The following PHF24 variants were observed in gnomAD, a reference collection of about 807,000 sequenced individuals.
The protein encoded by PHF24 is Galpha inhibitory interacting protein.
Under a neutral mutation model 42.6 loss-of-function variants are expected in PHF24, and 25 were observed. That is an observed-to-expected ratio of 0.59 (90% CI 0.43 to 0.82). PHF24 has a LOEUF of 0.82. PHF24 is among the 40% of genes least tolerant of loss of function. The probability of loss-of-function intolerance (pLI) is 0.00; values close to 1 mark genes in which losing one functional copy is unlikely to be tolerated. For synonymous variants in PHF24, 185 were observed against 204.8 expected (o/e 0.90, Z 0.83); for missense variants, 470 against 538.1 (o/e 0.87, Z 1.25).
At chr9:34,808,217 T>C in the PHF24 span, among the ~76,000 whole-genome samples, 2 of 152,172 alleles carry the variant, frequency 1.3e-5, no homozygotes, top group Non-Finnish European at 2.9e-5. Context: ...ATAATGAAAA[T>C]AATAAAAGTA....
At chr9:34,976,627 G>A in exon 5 of PHF24, 1 of 1,614,176 alleles carries the variant, frequency 6.2e-7, no homozygotes, top group South Asian at 1.1e-5. Flanking sequence ...GGAGCAAGAA[G>A]AGCAGGCGGC....
the PHF24 span, among the ~76,000 whole-genome samples, chr9:34,810,852 T>C: frequency 6.6e-6 from 1 of 152,134 alleles, no homozygotes; most frequent in Non-Finnish European, 1.5e-5. Flanking sequence ...TAGAAACTGC[T>C]GCGAGAGCAC....
the PHF24 span, among the ~76,000 whole-genome samples, chr9:34,714,336 G>T: frequency 6.6e-6 from 1 of 151,972 alleles, no homozygotes. Flanking sequence ...GAGTGACTAA[G>T]AAAGTAGTGA....
the PHF24 span, among the ~76,000 whole-genome samples, chr9:34,773,077 G>A: frequency 1.1e-4 from 17 of 150,104 alleles, no homozygotes; most frequent in Non-Finnish European, 2.1e-4. Context: ...CGCAACCTCC[G>A]CCTCGCGGGT....
At chr9:34,981,619 G>T (rs1827392372) in exon 8 of PHF24, 1 of 152,150 alleles carries the variant, frequency 6.6e-6, no homozygotes, top group Non-Finnish European at 1.5e-5. Context: ...GCAGAGTGAA[G>T]ACAGACAGAT....
the PHF24 span, among the ~76,000 whole-genome samples, chr9:34,704,325 C>T: frequency 6.6e-6 from 1 of 152,132 alleles, no homozygotes; most frequent in Non-Finnish European, 1.5e-5. Context: ...GCTGCCATGC[C>T]CAGCTAGCTC....
At chr9:34,684,615 G>T in the PHF24 span, among the ~76,000 whole-genome samples, 6,773 of 152,252 alleles carry the variant, frequency 0.044, 236 homozygotes, top group South Asian at 0.069. Flanking sequence ...CAGGAATGGG[G>T]GTTCCTCAAC....
At chr9:34,886,027 C>T in the PHF24 span, among the ~76,000 whole-genome samples, 1 of 152,022 alleles carries the variant, frequency 6.6e-6, no homozygotes, top group East Asian at 1.9e-4. Context: ...ATTCTTTCTT[C>T]TTCTAATCCA....
chr9:34,907,472 G>T, the PHF24 span, among the ~76,000 whole-genome samples: 1 of 152,074 alleles, frequency 6.6e-6, no homozygotes, highest in Non-Finnish European at 1.5e-5. Flanking sequence ...GATTTTCATA[G>T]ACCCTTCTAA....
At chr9:34,683,756 T>C in the PHF24 span, among the ~76,000 whole-genome samples, 1 of 152,236 alleles carries the variant, frequency 6.6e-6, no homozygotes, top group Non-Finnish European at 1.5e-5. Flanking sequence ...AAATATGGTC[T>C]AGAAGAAAAG....
At chr9:34,785,485 A>T in the PHF24 span, among the ~76,000 whole-genome samples, 2,756 of 152,324 alleles carry the variant, frequency 0.018, 58 homozygotes, top group East Asian at 0.092. Flanking sequence ...TAATTTTTAT[A>T]CAACTTGGAA....
the PHF24 span, among the ~76,000 whole-genome samples, chr9:34,937,332 T>G: frequency 6.6e-6 from 1 of 152,166 alleles, no homozygotes; most frequent in Non-Finnish European, 1.5e-5. Flanking sequence ...TGGGATCCTG[T>G]TGATCTGTGA....
At chr9:34,814,514 A>C in the PHF24 span, among the ~76,000 whole-genome samples, 1 of 152,216 alleles carries the variant, frequency 6.6e-6, no homozygotes, top group Non-Finnish European at 1.5e-5. Context: ...ACTGTAATGC[A>C]GCCCACTGCA....
At chr9:34,932,949 C>T in the PHF24 span, among the ~76,000 whole-genome samples, 1 of 151,618 alleles carries the variant, frequency 6.6e-6, no homozygotes, top group Non-Finnish European at 1.5e-5. Context: ...TATGAGTCCC[C>T]TCCCCACAGT....
chr9:34,968,382 T>C (rs1018632793), intron 1 of PHF24, among the ~76,000 whole-genome samples: 3 of 152,230 alleles, frequency 2.0e-5, no homozygotes, highest in Non-Finnish European at 4.4e-5. Flanking sequence ...CCCTAAATGA[T>C]TTCCTGAATG....
chr9:34,936,533 G>C, the PHF24 span, among the ~76,000 whole-genome samples: 1 of 144,992 alleles, frequency 6.9e-6, no homozygotes, highest in Non-Finnish European at 1.5e-5. Flanking sequence ...GCCGCCCATC[G>C]TCTGGGATGT....
the PHF24 span, among the ~76,000 whole-genome samples, chr9:34,715,229 C>T: frequency 6.6e-6 from 1 of 152,106 alleles, no homozygotes; most frequent in African/African-American, 2.4e-5. Flanking sequence ...ACCCCGTCTC[C>T]AGTCTGTGAG....
chr9:34,857,536 G>A, the PHF24 span, among the ~76,000 whole-genome samples: 2,365 of 152,264 alleles, frequency 0.016, 58 homozygotes, highest in African/African-American at 0.054. Flanking sequence ...TGCTTCCCTT[G>A]ACTGAGGGTG....
the PHF24 span, among the ~76,000 whole-genome samples, chr9:34,845,603 TTTC>T: frequency 1.3e-5 from 2 of 152,080 alleles, no homozygotes; most frequent in Admixed American, 1.3e-4. Context: ...TTTATTTTAT[TTTC>T]TTATTATTAT....
Sources: allele counts gnomAD v4.1 joint callset (sites outside exome capture counted in the v4.1 genomes callset), GRCh38; gene constraint gnomAD v4.1.1; transcripts MANE v1.5; gene names NCBI Gene and HGNC (gene_info 2026-07-23, HGNC 2026-07-21).